The following CELF4 variants were observed in gnomAD, a reference collection of about 807,000 sequenced individuals.
CELF4 encodes CUGBP Elav-like family member 4.
Under a neutral mutation model 59.9 loss-of-function variants are expected in CELF4, and 18 were observed. The observed-to-expected ratio is 0.30, with a 90% CI of 0.21 to 0.45. CELF4 has a LOEUF of 0.45. Ranked by LOEUF, CELF4 falls within the 20% of genes least tolerant of loss-of-function variation. CELF4 has a pLI of 1.00. For synonymous variants in CELF4, 261 were observed against 267.1 expected, an observed-to-expected ratio of 0.98 and a Z score of 0.22; for missense variants, 456 against 689.0, an observed-to-expected ratio of 0.66 and a Z score of 3.79.
chr18:37,508,766 C>G (rs2099941027), intron 1 of CELF4, among the ~76,000 whole-genome samples: 1 of 152,232 alleles, frequency 6.6e-6, no homozygotes, highest in African/African-American at 2.4e-5. Flanking sequence ...CCATTCCTTT[C>G]TAGCTGGGGA....
intron 1 of CELF4, among the ~76,000 whole-genome samples, chr18:37,499,975 G>A (rs1001768228): frequency 6.6e-6 from 1 of 152,158 alleles, no homozygotes; most frequent in African/African-American, 2.4e-5. Flanking sequence ...CACACATCTG[G>A]TCAGTACGGT....
chr18:37,286,290 C>CG (rs2094756305), intron 3 of CELF4, among the ~76,000 whole-genome samples: 2 of 152,174 alleles, frequency 1.3e-5, no homozygotes, highest in African/African-American at 4.8e-5. Flanking sequence ...AACCATGGAG[C>CG]GGGGGCTCGT....
chr18:37,517,268 G>A (rs540195461), intron 1 of CELF4, among the ~76,000 whole-genome samples: 1 of 152,306 alleles, frequency 6.6e-6, no homozygotes, highest in South Asian at 2.1e-4. Context: ...TGGGGCTGGG[G>A]TACAGGCAGA....
intron 2 of CELF4, among the ~76,000 whole-genome samples, chr18:37,335,870 C>T (rs1302980831): frequency 6.6e-6 from 1 of 152,178 alleles, no homozygotes; most frequent in African/African-American, 2.4e-5. Context: ...TTCTCCCTGG[C>T]ATGGCCTCCA....
rs1330024774 is a variant in CELF4 at position 37,419,025 on chromosome 18, T to C, written c.369+66500A>G. Among the ~76,000 whole-genome samples the C allele has an allele frequency of 7.9e-5, 12 of 152,324 alleles. No homozygotes were observed. In the East Asian group the frequency reaches 1.2e-3, roughly 15 times the overall value. On this transcript the variant is annotated intron_variant, in intron 2 of 12. Transcript: ENST00000420428. The stretch of plus-strand genomic sequence containing the variant: ...GGATGAAGAGTGGGAGACCTGCTGG[T>C]GTCCTCTGGTATGGCTGGAGCTGGG...
At chr18:37,419,744 G>A (rs551974572) in intron 2 of CELF4, among the ~76,000 whole-genome samples, 12 of 152,330 alleles carry the variant, frequency 7.9e-5, no homozygotes, top group South Asian at 2.1e-4. Flanking sequence ...GGGATGATGA[G>A]GGTTTGCTCC....
intron 1 of CELF4, among the ~76,000 whole-genome samples, chr18:37,523,905 G>T (rs910114144): frequency 6.6e-6 from 1 of 152,148 alleles, no homozygotes; most frequent in African/African-American, 2.4e-5. Flanking sequence ...TGCAACTCAG[G>T]CTCACTGAGC....
chr18:37,266,362 G>C, intron 9 of CELF4, 171 bp downstream of exon 9: 1 of 690,190 alleles, frequency 1.4e-6, no homozygotes. Context: ...TCGGTGGCCC[G>C]CTGACAAGAA....
At chr18:37,394,123 C>T (rs1376430981) in intron 2 of CELF4, among the ~76,000 whole-genome samples, 1 of 152,104 alleles carries the variant, frequency 6.6e-6, no homozygotes, top group Non-Finnish European at 1.5e-5. Flanking sequence ...TGCTCGGGGA[C>T]CGGCCCGACG....
chr18:37,444,111 AG>A (rs1379853034), intron 2 of CELF4, among the ~76,000 whole-genome samples: 1 of 152,106 alleles, frequency 6.6e-6, no homozygotes, highest in African/African-American at 2.4e-5. Context: ...TGATTAAATG[AG>A]TTAACATATG....
intron 2 of CELF4, among the ~76,000 whole-genome samples, chr18:37,375,843 C>T (rs1456875480): frequency 1.3e-5 from 2 of 152,132 alleles, no homozygotes; most frequent in Non-Finnish European, 1.5e-5. Flanking sequence ...CTGCCCTCTC[C>T]GTCCTCCCCG....
chr18:37,504,763 A>AT (rs1430932961), intron 1 of CELF4, among the ~76,000 whole-genome samples: 1 of 152,084 alleles, frequency 6.6e-6, no homozygotes. Context: ...CTCTATTTTC[A>AT]TTTTTTGGCG....
At chr18:37,424,925 C>T (rs2099602376) in intron 2 of CELF4, among the ~76,000 whole-genome samples, 2 of 152,338 alleles carry the variant, frequency 1.3e-5, no homozygotes, top group Middle Eastern at 3.4e-3. Context: ...AGCACATCCT[C>T]TCTCCTGAAT....
At chr18:37,564,955 C>T (rs2099987717) in intron 1 of CELF4, among the ~76,000 whole-genome samples, 1 of 152,160 alleles carries the variant, frequency 6.6e-6, no homozygotes, top group African/African-American at 2.4e-5. Flanking sequence ...CGGCGATGGA[C>T]AGCACCCTCG....
intron 12 of CELF4, among the ~76,000 whole-genome samples, chr18:37,251,431 GA>G (rs2065410094): frequency 6.6e-6 from 1 of 152,106 alleles, no homozygotes; most frequent in African/African-American, 2.4e-5. Context: ...CTTCATCTGG[GA>G]ATTCTTCTAA....
intron 1 of CELF4, among the ~76,000 whole-genome samples, chr18:37,514,958 A>G (rs184665340): frequency 2.1e-4 from 32 of 152,334 alleles, no homozygotes; most frequent in Non-Finnish European, 1.3e-4. Flanking sequence ...CATTAAAAGA[A>G]AATCTTTTTT....
chr18:37,508,125 A>G (rs1274428069), intron 1 of CELF4, among the ~76,000 whole-genome samples: 1 of 151,814 alleles, frequency 6.6e-6, no homozygotes, highest in Non-Finnish European at 1.5e-5. Context: ...CCTTTCTCCC[A>G]TTTCTTTTCC....
chr18:37,391,596 A>ATGCCTTCCCTTGGT (rs2099162558), intron 2 of CELF4, among the ~76,000 whole-genome samples: 1 of 152,180 alleles, frequency 6.6e-6, no homozygotes. Context: ...CCATCAGACC[A>ATGCCTTCCCTTGGT]TGCCTTCCCT....
intron 2 of CELF4, among the ~76,000 whole-genome samples, chr18:37,362,787 A>G (rs146130569): frequency 0.015 from 2,234 of 152,104 alleles, 23 homozygotes; most frequent in Middle Eastern, 0.034. Flanking sequence ...CTCCCTGCTG[A>G]TCTGCTGCCT....
Sources: allele counts gnomAD v4.1 joint callset (sites outside exome capture counted in the v4.1 genomes callset), GRCh38; gene constraint gnomAD v4.1.1; transcripts MANE v1.5; gene names NCBI Gene and HGNC (gene_info 2026-07-23, HGNC 2026-07-21).